The following SH3BGRL2 variants were observed in gnomAD, a reference collection of about 807,000 sequenced individuals.
SH3BGRL2 encodes the protein SH3 domain binding glutamate rich protein like 2.
A neutral mutation model predicts 14.8 loss-of-function variants in SH3BGRL2; 21 were observed. The observed-to-expected ratio is 1.42, with a 90% CI of 1.01 to 2.05. The LOEUF is 2.05. Among genes scored for constraint, SH3BGRL2 ranks in the 30% most tolerant of loss-of-function variants. The pLI is 0.00. For missense variants in SH3BGRL2, 147 were observed against 130.8 expected (o/e 1.12, Z -0.61); for synonymous variants, 50 against 47.8 (o/e 1.05, Z -0.19).
intron 1 of SH3BGRL2, among the ~76,000 whole-genome samples, chr6:79,658,354 C>T (rs1562149618): frequency 6.6e-6 from 1 of 152,130 alleles, no homozygotes; most frequent in Admixed American, 6.5e-5. Context: ...CAAGTGTTCT[C>T]GTTGTTCAGT....
Position 79,701,872 on chromosome 6 carries a change from T to C in SH3BGRL2, c.*2363T>C, listed in dbSNP as rs1353505840. 2.6e-5 allele frequency: 4 copies of C among 152,596 alleles called. No individual in the cohort carries two copies. Among genetic ancestry groups the C allele is most frequent in the South Asian group, 2.1e-4 (1 of 4,832 alleles). The allele number at this position is 152,596 out of a possible 1,614,324, so 9.5% of individuals were successfully genotyped here. ...ACTAGCTGCCTTTAGATTTTGATAA[T>C]CACAGTCTTAAAATACTAGGAAAGA... On this transcript the variant is annotated 3_prime_UTR_variant, in exon 4 of 4. Coordinates refer to ENST00000369838, the MANE Select transcript of SH3BGRL2 (RefSeq NM_031469.4).
the SH3BGRL2 span, among the ~76,000 whole-genome samples, chr6:79,613,583 G>A: frequency 6.6e-6 from 1 of 151,986 alleles, no homozygotes; most frequent in Non-Finnish European, 1.5e-5. Flanking sequence ...CAGATAATTC[G>A]ACTTCAGTTA....
intron 1 of SH3BGRL2, among the ~76,000 whole-genome samples, chr6:79,639,582 C>T (rs1768991928): frequency 6.6e-6 from 1 of 152,098 alleles, no homozygotes; most frequent in African/African-American, 2.4e-5. Context: ...AAAGTGAGAC[C>T]TTGTCTCAGA....
chr6:79,545,951 T>C, the SH3BGRL2 span, among the ~76,000 whole-genome samples: 1 of 152,170 alleles, frequency 6.6e-6, no homozygotes, highest in Admixed American at 6.6e-5. Context: ...AATTTTCATA[T>C]AAACTTCTGT....
the SH3BGRL2 span, among the ~76,000 whole-genome samples, chr6:79,601,478 G>A: frequency 2.0e-5 from 3 of 152,226 alleles, no homozygotes; most frequent in Non-Finnish European, 4.4e-5. Context: ...TTACAGGCGT[G>A]AGCAACCTTG....
chr6:79,581,333 C>CA, the SH3BGRL2 span, among the ~76,000 whole-genome samples: 1 of 151,878 alleles, frequency 6.6e-6, no homozygotes, highest in Non-Finnish European at 1.5e-5. Context: ...AGAGACACAA[C>CA]AAAAAAAGAG....
upstream of SH3BGRL2, among the ~76,000 whole-genome samples, chr6:79,630,383 C>G (rs1297396032): frequency 6.6e-6 from 1 of 152,180 alleles, no homozygotes; most frequent in Admixed American, 6.5e-5. Context: ...AAATACAGTA[C>G]AGCAGGGAAA....
chr6:79,647,171 G>A (rs1027375648), intron 1 of SH3BGRL2, among the ~76,000 whole-genome samples: 5 of 152,120 alleles, frequency 3.3e-5, no homozygotes, highest in Non-Finnish European at 5.9e-5. Flanking sequence ...ATGTATGCAG[G>A]TTCCAGTTTC....
upstream of SH3BGRL2, among the ~76,000 whole-genome samples, chr6:79,628,908 C>G (rs1311042844): frequency 6.6e-6 from 1 of 152,118 alleles, no homozygotes; most frequent in East Asian, 1.9e-4. Flanking sequence ...GAGGAACTTA[C>G]AGATATAGGG....
At chr6:79,591,197 A>G in the SH3BGRL2 span, among the ~76,000 whole-genome samples, 1 of 152,192 alleles carries the variant, frequency 6.6e-6, no homozygotes, top group South Asian at 2.1e-4. Flanking sequence ...GAACAACTAA[A>G]CTACCTTGTA....
chr6:79,602,562 A>T, the SH3BGRL2 span, among the ~76,000 whole-genome samples: 11 of 152,204 alleles, frequency 7.2e-5, no homozygotes, highest in Non-Finnish European at 1.0e-4. Context: ...ATGCTTAAGT[A>T]AGAGCCCACT....
chr6:79,683,991 G>A (rs1770044377), intron 2 of SH3BGRL2, among the ~76,000 whole-genome samples: 1 of 152,144 alleles, frequency 6.6e-6, no homozygotes, highest in Admixed American at 6.5e-5. Context: ...TGTGTTACTA[G>A]AGCTCTGTTT....
the SH3BGRL2 span, among the ~76,000 whole-genome samples, chr6:79,554,401 G>GC: frequency 3.3e-5 from 5 of 152,136 alleles, no homozygotes; most frequent in African/African-American, 1.2e-4. Context: ...ATATTAATAA[G>GC]CCTTTCTAAG....
At chr6:79,651,215 T>C (rs1289991697) in intron 1 of SH3BGRL2, among the ~76,000 whole-genome samples, 2 of 152,190 alleles carry the variant, frequency 1.3e-5, no homozygotes, top group Non-Finnish European at 2.9e-5. Flanking sequence ...CAGCAGGATT[T>C]CCTTCTTACT....
chr6:79,650,336 C>CTT (rs1769262145), intron 1 of SH3BGRL2, among the ~76,000 whole-genome samples: 1 of 151,976 alleles, frequency 6.6e-6, no homozygotes, highest in Non-Finnish European at 1.5e-5. Flanking sequence ...TACTCAGTAG[C>CTT]CCAAGGAGGG....
the SH3BGRL2 span, among the ~76,000 whole-genome samples, chr6:79,569,043 A>G: frequency 9.2e-5 from 14 of 152,196 alleles, no homozygotes; most frequent in Admixed American, 3.3e-4. Flanking sequence ...TGGTCCAGCT[A>G]CAGCTTGGTT....
At chr6:79,584,501 C>G in the SH3BGRL2 span, among the ~76,000 whole-genome samples, 16,221 of 152,192 alleles carry the variant, frequency 0.11, 973 homozygotes, top group Non-Finnish European at 0.13. Flanking sequence ...TTGGCAGTGT[C>G]TGAGCTCCCC....
At chr6:79,675,114 A>G (rs1769854472) in intron 2 of SH3BGRL2, among the ~76,000 whole-genome samples, 1 of 152,216 alleles carries the variant, frequency 6.6e-6, no homozygotes. Flanking sequence ...TGCAAAGTAT[A>G]TAGTTCAAAA....
the SH3BGRL2 span, among the ~76,000 whole-genome samples, chr6:79,584,013 A>G: frequency 6.6e-6 from 1 of 152,196 alleles, no homozygotes; most frequent in Non-Finnish European, 1.5e-5. Flanking sequence ...AGACATTGTG[A>G]TGAGCCATAT....
Sources: gnomAD v4.1 joint callset for allele counts (sites outside exome capture counted in the v4.1 genomes callset) on GRCh38, gnomAD v4.1.1 for gene constraint, MANE v1.5 for transcripts, NCBI Gene and HGNC (gene_info 2026-07-23, HGNC 2026-07-21) for gene names.